CEPT1: variants seen among roughly 807,000 people sequenced by gnomAD.
CEPT1 encodes choline/ethanolaminephosphotransferase 1.
CEPT1 carries 7 observed loss-of-function variants against 42.6 expected under a neutral mutation model. The ratio of observed to expected loss-of-function variants is 0.16; its 90% CI spans 0.09 to 0.31. The LOEUF (loss-of-function observed/expected upper bound fraction) is 0.31, where lower values mean the gene tolerates loss of function less well. CEPT1 is among the 10% of genes least tolerant of loss of function. The pLI is 1.00. For synonymous variants in CEPT1, 171 were observed against 171.9 expected, an observed-to-expected ratio of 0.99 and a Z score of 0.04; for missense variants, 306 against 502.1, an observed-to-expected ratio of 0.61 and a Z score of 3.73.
intron 2 of CEPT1, among the ~76,000 whole-genome samples, chr1:111,151,436 C>T (rs553637155): frequency 6.6e-6 from 1 of 152,296 alleles, no homozygotes; most frequent in East Asian, 1.9e-4. Flanking sequence ...TGGTATTATA[C>T]ATTTTAGAGA....
chr1:111,140,072 G>A (rs907143169), upstream of CEPT1: 4 of 152,426 alleles, frequency 2.6e-5, no homozygotes, highest in African/African-American at 9.7e-5. Context: ...CGCTGGCGCC[G>A]AAGCCCCTAT....
chr1:111,148,848 G>C lies in CEPT1; in HGVS notation c.339+795G>C, dbSNP rs1655114878. Among the ~76,000 whole-genome samples the C allele has an allele frequency of 2.0e-5, 3 of 152,204 alleles. No homozygotes were observed. In the South Asian group the frequency reaches 6.2e-4, roughly 31 times the overall value. ...GTAGATGAGAGAATTACAAGCATTT[G>C]TTCTGCCTAAATAAGTTAGACTGAT... On this transcript the variant is annotated intron_variant, in intron 2 of 8. Transcript: ENST00000357172.
intron 5 of CEPT1, chr1:111,180,031 T>G (rs967769146): frequency 6.6e-6 from 1 of 152,228 alleles, no homozygotes; most frequent in Non-Finnish European, 1.5e-5. Context: ...CTGGCTTTTC[T>G]AATGTTTGTG....
In CEPT1 at chr1:111,159,528, G is replaced by A. The variant is rs199576679; in HGVS notation, c.487+1G>A. 6.2e-7 allele frequency: 1 copy of A among 1,603,840 alleles called. No homozygotes were observed. Among genetic ancestry groups the A allele is most frequent in the Admixed American group, 1.8e-5 (1 of 57,074 alleles). ...CATGGCTGTGATTCACTATCAACAG[G>A]TATTGTTGATTTTTTTAATGTTATT... On this transcript the variant is annotated splice_donor_variant, in intron 3 of 8. Transcript: ENST00000357172. LOFTEE classifies it high-confidence loss of function.
chr1:111,144,190 C>T (rs1428687768), intron 1 of CEPT1, among the ~76,000 whole-genome samples: 2 of 152,140 alleles, frequency 1.3e-5, no homozygotes, highest in African/African-American at 4.8e-5. Context: ...TCAGAAGTTC[C>T]TGTCTTTTCT....
intron 1 of CEPT1, among the ~76,000 whole-genome samples, chr1:111,144,239 A>G (rs1423920628): frequency 6.6e-6 from 1 of 152,194 alleles, no homozygotes; most frequent in Non-Finnish European, 1.5e-5. Flanking sequence ...GATCTCAGAT[A>G]TGATGGAAGG....
intron 3 of CEPT1, chr1:111,160,635 A>G (rs963089701): frequency 6.5e-6 from 1 of 152,726 alleles, no homozygotes; most frequent in East Asian, 1.9e-4. Context: ...GCAGGATGGC[A>G]GGCTTCCTAT....
intron 4 of CEPT1, among the ~76,000 whole-genome samples, chr1:111,162,636 G>A (rs1655932833): frequency 1.3e-5 from 2 of 152,240 alleles, no homozygotes; most frequent in South Asian, 4.1e-4. Context: ...TGAACAGCCA[G>A]AGTAGTAGGA....
At chr1:111,146,681 A>G (rs1654985661) in intron 1 of CEPT1, among the ~76,000 whole-genome samples, 1 of 151,886 alleles carries the variant, frequency 6.6e-6, no homozygotes, top group Non-Finnish European at 1.5e-5. Context: ...GTATTTCCTC[A>G]TGCTACTTGA....
At chr1:111,166,008 G>T (rs1656128626) in intron 4 of CEPT1, among the ~76,000 whole-genome samples, 1 of 152,120 alleles carries the variant, frequency 6.6e-6, no homozygotes, top group Non-Finnish European at 1.5e-5. Flanking sequence ...TCCCTGCGTA[G>T]AATCTATTTA....
Position 111,158,902 on chromosome 1 carries a change from C to CTTTTTTTTTTTT in CEPT1, c.340-460_340-449dup, listed in dbSNP as rs149230078. 1.6e-4 allele frequency among the ~76,000 whole-genome samples: 9 copies of CTTTTTTTTTTTT among 55,436 alleles called. 1 individual carries two copies. The highest frequency in any genetic ancestry group is 2.4e-4 in the Non-Finnish European group (7 of 28,818). 36.4% of individuals were successfully genotyped at this position (55,436 alleles called of 152,430 possible). ...CAGGAAATTTAATTCTTTTACAATT[C>CTTTTTTTTTTTT]TTTTTTTTTTTTTTTTTTTTTTTTT... On this transcript the variant is annotated intron_variant, in intron 2 of 8. Coordinates refer to ENST00000357172, the MANE Select transcript of CEPT1 (RefSeq NM_006090.5).
chr1:111,143,763 G>T (rs1439148918), intron 1 of CEPT1, among the ~76,000 whole-genome samples: 1 of 151,958 alleles, frequency 6.6e-6, no homozygotes, highest in African/African-American at 2.4e-5. Context: ...TTTGAGACAT[G>T]GTTTTGCTCT....
chr1:111,160,592 C>T (rs1557930654), intron 3 of CEPT1: 2 of 152,500 alleles, frequency 1.3e-5, no homozygotes, highest in African/African-American at 4.8e-5. Context: ...AGTTGGCTGT[C>T]TTGAAAGGCA....
chr1:111,183,797 T>A (rs1657115431), intron 8 of CEPT1, among the ~76,000 whole-genome samples: 1 of 152,162 alleles, frequency 6.6e-6, no homozygotes, highest in Admixed American at 6.5e-5. Flanking sequence ...CCTGCCTACA[T>A]CGGGCAGGGC....
chr1:111,149,266 C>CTTT (rs775722606), intron 2 of CEPT1, among the ~76,000 whole-genome samples: 1 of 127,948 alleles, frequency 7.8e-6, no homozygotes, highest in South Asian at 2.7e-4. Flanking sequence ...GGTTTCTCCT[C>CTTT]TTTTTTTTTT....
At chr1:111,178,428 A>G (rs912981708) in intron 5 of CEPT1, 4 of 152,054 alleles carry the variant, frequency 2.6e-5, no homozygotes, top group African/African-American at 9.7e-5. Context: ...AATTTTTACC[A>G]AAGATTATAG....
At position 111,182,876 on chromosome 1, in the gene CEPT1, A is replaced by G. The variant is rs767630851; in HGVS notation, c.924A>G (p.Ala308=). The G allele has an allele frequency of 1.2e-6, 2 of 1,613,526 alleles. No individual in the cohort carries two copies. Among genetic ancestry groups the G allele is most frequent in the African/African-American group, 1.3e-5 (1 of 74,930 alleles). Residue 308 remains alanine, a synonymous_variant, in exon 7 of 9, where the codon GCA becomes GCG. Transcript: ENST00000357172. ...TLAAMIYKKS[A]VQLFEKHPCL... is the part of the protein sequence containing the mutation. ...CTGCAATGATCTACAAGAAATCTGC[A>G]GTTCAGCTTTTTGAAAAGCATCCCT... is the stretch of plus-strand genomic sequence containing the variant.
In CEPT1 at chr1:111,150,608, T is replaced by C. The variant is rs536586122; in HGVS notation, c.339+2555T>C. ...TTAAGTTTCATGTCTACATGTATAG[T>C]ATTACGAACTTCCCATATATTTTTT... On this transcript the variant is annotated intron_variant, in intron 2 of 8. Coordinates refer to ENST00000357172, the MANE Select transcript of CEPT1 (RefSeq NM_006090.5). Among the ~76,000 whole-genome samples the C allele has an allele frequency of 6.6e-5, 10 of 152,334 alleles. No homozygotes were observed. In the East Asian group the frequency reaches 1.9e-3, roughly 29 times the overall value.
intron 5 of CEPT1, chr1:111,179,092 T>C (rs1656843719): frequency 6.6e-6 from 1 of 152,208 alleles, no homozygotes; most frequent in Non-Finnish European, 1.5e-5. Flanking sequence ...TAAGGACATT[T>C]TATCATGCTT....
Sources: allele counts gnomAD v4.1 joint callset (sites outside exome capture counted in the v4.1 genomes callset), GRCh38; gene constraint gnomAD v4.1.1; transcripts MANE v1.5; gene names NCBI Gene and HGNC (gene_info 2026-07-23, HGNC 2026-07-21).